QSER1: variants seen among roughly 807,000 people sequenced by gnomAD.
QSER1 encodes glutamine and serine-rich protein 1.
A neutral mutation model predicts 158.5 loss-of-function variants in QSER1; 49 were observed. The observed-to-expected ratio is 0.31, with a 90% CI of 0.25 to 0.39. The LOEUF (loss-of-function observed/expected upper bound fraction) is 0.39, where lower values mean the gene tolerates loss of function less well. Ranked by LOEUF, QSER1 falls within the 10% of genes least tolerant of loss-of-function variation. The pLI, the probability that QSER1 is intolerant of heterozygous loss-of-function variation, is 1.00. For synonymous variants in QSER1, 650 were observed against 715.5 expected (o/e 0.91, Z 1.46); for missense variants, 1,754 against 2,010.3 (o/e 0.87, Z 2.44).
intron 1 of QSER1, among the ~76,000 whole-genome samples, chr11:32,898,276 T>C (rs1041690177): frequency 2.6e-5 from 4 of 151,954 alleles, no homozygotes; most frequent in Non-Finnish European, 5.9e-5. Context: ...AGCCCAAGAG[T>C]TTGAGACCAG....
intron 1 of QSER1, among the ~76,000 whole-genome samples, chr11:32,923,425 G>T (rs751462617): frequency 1.3e-5 from 2 of 152,132 alleles, no homozygotes; most frequent in African/African-American, 4.8e-5. Context: ...TGTAATCCCA[G>T]CACTTTGGGA....
At chr11:32,973,190 C>G (rs888458339) in intron 10 of QSER1, among the ~76,000 whole-genome samples, 1 of 152,174 alleles carries the variant, frequency 6.6e-6, no homozygotes, top group African/African-American at 2.4e-5. Context: ...GAGCTTATGA[C>G]CATGTTTAAA....
Position 32,933,400 on chromosome 11 carries a change from A to G in QSER1, c.2142A>G (p.Leu714=). ...CTCTTGAGTCATCAACCCAAAGGCT[A>G]TCTGATGGAGAAATTAATGCTCAAG... The part of the protein sequence containing the change: ...QASLESSTQR[L]SDGEINAQES... The change falls in exon 4 of 13, where the codon CTA becomes CTG. Residue 714 remains leucine (L), a synonymous_variant. Coordinates refer to ENST00000650167, the MANE Select transcript of QSER1 (RefSeq NM_001076786.3). 6.2e-7 allele frequency: 1 copy of G among 1,613,894 alleles called. No homozygotes were observed. The highest frequency in any genetic ancestry group is 1.1e-5 in the South Asian group (1 of 91,036).
At chr11:32,897,054 G>A (rs1183309736) in intron 1 of QSER1, among the ~76,000 whole-genome samples, 1 of 152,126 alleles carries the variant, frequency 6.6e-6, no homozygotes, top group Non-Finnish European at 1.5e-5. Context: ...TACATCACTA[G>A]CAACTAATTT....
chr11:32,959,740 G>A (rs1308156754), intron 8 of QSER1, among the ~76,000 whole-genome samples: 1 of 152,132 alleles, frequency 6.6e-6, no homozygotes, highest in Non-Finnish European at 1.5e-5. Context: ...CTTCAGTGCT[G>A]AAGTCTACTT....
intron 1 of QSER1, among the ~76,000 whole-genome samples, chr11:32,911,384 T>C (rs932077595): frequency 1.3e-5 from 2 of 152,154 alleles, no homozygotes; most frequent in East Asian, 3.8e-4. Flanking sequence ...ACCTGTATGT[T>C]CTGCACATGT....
rs533525289 is a variant in QSER1 at position 32,970,127 on chromosome 11, G to A, written c.5205+984G>A. On this transcript the variant is annotated intron_variant, in intron 10 of 12. Transcript: ENST00000650167. ...AATCATTTGGTTATATCTACCTTAGGGAACATTTTTTAATTGATGGTAACA... is the reference window on the plus strand; with the variant it reads ...AATCATTTGGTTATATCTACCTTAGAGAACATTTTTTAATTGATGGTAACA... 3.3e-5 allele frequency among the ~76,000 whole-genome samples: 5 copies of A among 152,150 alleles called. No homozygotes were observed. In the South Asian group the frequency reaches 6.2e-4, roughly 19 times the overall value.
intron 10 of QSER1, among the ~76,000 whole-genome samples, chr11:32,970,922 A>T (rs1394165007): frequency 4.1e-5 from 6 of 144,994 alleles, no homozygotes; most frequent in African/African-American, 1.5e-4. Flanking sequence ...ATTAATTTTG[A>T]TAATTGTCAT....
chr11:32,935,548 C>T, intron 4 of QSER1, 113 bp downstream of exon 4: 1 of 766,582 alleles, frequency 1.3e-6, no homozygotes, highest in Non-Finnish European at 2.0e-6. Context: ...ATTTTCAGGA[C>T]AAAATGTATA....
chr11:32,963,959 A>C (rs1352993939), intron 8 of QSER1, among the ~76,000 whole-genome samples: 1 of 151,988 alleles, frequency 6.6e-6, no homozygotes, highest in Non-Finnish European at 1.5e-5. Flanking sequence ...GAGTCACCTC[A>C]CCTGGCCCTA....
chr11:32,923,825 G>T (rs927823292), intron 1 of QSER1, among the ~76,000 whole-genome samples: 1 of 150,866 alleles, frequency 6.6e-6, no homozygotes, highest in Admixed American at 6.6e-5. Context: ...AAAATTAGCC[G>T]GGTGTGATGG....
chr11:32,906,751 A>G (rs1851699756), intron 1 of QSER1, among the ~76,000 whole-genome samples: 1 of 152,086 alleles, frequency 6.6e-6, no homozygotes, highest in Non-Finnish European at 1.5e-5. Flanking sequence ...AACCAAACAA[A>G]TTTAGAGAGA....
chr11:32,904,269 T>G (rs1429270881), intron 1 of QSER1, among the ~76,000 whole-genome samples: 1 of 151,460 alleles, frequency 6.6e-6, no homozygotes, highest in Non-Finnish European at 1.5e-5. Context: ...CTCAGCTCAC[T>G]GCAACCTCCA....
At chr11:32,912,582 C>CTATATA (rs1851780956) in intron 1 of QSER1, among the ~76,000 whole-genome samples, 2 of 151,936 alleles carry the variant, frequency 1.3e-5, no homozygotes, top group African/African-American at 4.8e-5. Flanking sequence ...AAAAAACTAA[C>CTATATA]CAGGCGATGC....
intron 1 of QSER1, among the ~76,000 whole-genome samples, chr11:32,917,267 A>G (rs1305385713): frequency 6.6e-6 from 1 of 152,100 alleles, no homozygotes; most frequent in Non-Finnish European, 1.5e-5. Context: ...TAGTTTTTGC[A>G]CATTTGGATT....
rs1853043498 is a variant in QSER1 at position 32,979,988 on chromosome 11, T to C, written c.*3514T>C. Reference sequence around the variant, plus strand: ...ATAACTGCTTCTGTGTCAGTCGCATTTGACGCATAACTGCACAAATGAACA... The same window carrying C: ...ATAACTGCTTCTGTGTCAGTCGCATCTGACGCATAACTGCACAAATGAACA... On this transcript the variant is annotated 3_prime_UTR_variant, in exon 13 of 13. Transcript: ENST00000650167. The C allele has an allele frequency of 6.6e-6, 1 of 152,524 alleles. No homozygotes were observed. The highest frequency in any genetic ancestry group is 2.1e-4 in the South Asian group (1 of 4,830). 9.4% of individuals were successfully genotyped at this position (152,524 alleles called of 1,614,324 possible). A position where few individuals can be genotyped will look rare whatever the true frequency, so the allele number is the denominator to read the frequency against.
chr11:32,965,922 C>G (rs1852733866), intron 8 of QSER1, among the ~76,000 whole-genome samples: 1 of 124,124 alleles, frequency 8.1e-6, no homozygotes, highest in Admixed American at 9.4e-5. Flanking sequence ...GCCTGGGCAA[C>G]AAGAGTGAAA....
At position 32,962,142 on chromosome 11, in the gene QSER1, A is replaced by G. The variant is rs535370032; in HGVS notation, c.4969+4056A>G. 4.6e-5 allele frequency among the ~76,000 whole-genome samples: 7 copies of G among 152,266 alleles called. No individual in the cohort carries two copies. The East Asian group carries it at 1.2e-3, about 25-fold the overall frequency. Reference sequence around the variant, plus strand: ...CAATTTTTCCACATCCTTTGCTAACACTTGTTATTTTCTGTTTGTGTGTGC... The same window carrying G: ...CAATTTTTCCACATCCTTTGCTAACGCTTGTTATTTTCTGTTTGTGTGTGC... On this transcript the variant is annotated intron_variant, in intron 8 of 12. Coordinates refer to ENST00000650167, the MANE Select transcript of QSER1 (RefSeq NM_001076786.3).
intron 1 of QSER1, among the ~76,000 whole-genome samples, chr11:32,903,170 G>C (rs1851646653): frequency 6.6e-6 from 1 of 152,052 alleles, no homozygotes; most frequent in Non-Finnish European, 1.5e-5. Flanking sequence ...TTTTCCCAGA[G>C]CATACTTTTG....
Sources: gnomAD v4.1 joint callset for allele counts (sites outside exome capture counted in the v4.1 genomes callset) on GRCh38, gnomAD v4.1.1 for gene constraint, MANE v1.5 for transcripts, NCBI Gene and HGNC (gene_info 2026-07-23, HGNC 2026-07-21) for gene names.